ANKRD33B: variants seen among roughly 807,000 people sequenced by gnomAD.
ANKRD33B encodes the protein ankyrin repeat domain 33B, also known as ankyrin repeat domain-containing protein 33B.
In ANKRD33B, 6 loss-of-function variants were observed where a neutral mutation model predicts 21.5. That is an observed-to-expected ratio of 0.28 (90% CI 0.15 to 0.55). The LOEUF (loss-of-function observed/expected upper bound fraction) is 0.55. ANKRD33B is among the 20% of genes least tolerant of loss of function. ANKRD33B has a pLI of 0.94. For missense variants in ANKRD33B, 698 were observed against 747.2 expected, an observed-to-expected ratio of 0.93 and a Z score of 0.77; for synonymous variants, 347 against 342.4, an observed-to-expected ratio of 1.01 and a Z score of -0.15.
Position 10,564,415 on chromosome 5 carries a change from TCCCGCTCTTCCTGCCCGCGC to T in ANKRD33B, c.-48_-29del. On this transcript the variant is annotated 5_prime_UTR_variant, in exon 1 of 4. Coordinates refer to ENST00000296657, the MANE Select transcript of ANKRD33B (RefSeq NM_001164440.2). ...CGGGGACCTCGGCGCGCGCCCCGCGTCCCGCTCTTCCTGCCCGCGCCCCGGCCCCCGGCCCGCGCCCCGGC... is the reference window on the plus strand; with the variant it reads ...CGGGGACCTCGGCGCGCGCCCCGCGTCCCGGCCCCCGGCCCGCGCCCCGGC... 1 of 1,020,552 alleles carries T rather than the reference TCCCGCTCTTCCTGCCCGCGC, an allele frequency of 9.8e-7. No individual in the cohort carries two copies. The allele number at this position is 1,020,552 out of a possible 1,614,324, so 63.2% of individuals were successfully genotyped here.
chr5:10,604,347 G>A (rs1458704807), intron 1 of ANKRD33B, among the ~76,000 whole-genome samples: 4 of 150,552 alleles, frequency 2.7e-5, no homozygotes, highest in Non-Finnish European at 4.4e-5. Context: ...ATGCGCCACC[G>A]CACCCGGCTA....
chr5:10,578,068 A>G (rs564703890), intron 1 of ANKRD33B, among the ~76,000 whole-genome samples: 7 of 152,228 alleles, frequency 4.6e-5, no homozygotes, highest in Non-Finnish European at 8.8e-5. Flanking sequence ...TCTGTTGAAG[A>G]GTGAACTGCA....
chr5:10,573,234 C>CGG (rs1735240522), intron 1 of ANKRD33B, among the ~76,000 whole-genome samples: 2 of 151,854 alleles, frequency 1.3e-5, no homozygotes, highest in African/African-American at 4.9e-5. Context: ...TTTGGGAGGC[C>CGG]GAGGTGGGCA....
chr5:10,631,732 T>G (rs1375902319), intron 2 of ANKRD33B, among the ~76,000 whole-genome samples: 2 of 152,212 alleles, frequency 1.3e-5, no homozygotes, highest in East Asian at 3.9e-4. Flanking sequence ...CCCTGGGACC[T>G]GTGTTCAAAA....
intron 1 of ANKRD33B, among the ~76,000 whole-genome samples, chr5:10,607,219 C>G (rs1429515011): frequency 6.6e-6 from 1 of 152,154 alleles, no homozygotes; most frequent in Non-Finnish European, 1.5e-5. Context: ...CACTTCAAGT[C>G]CCAGTGGCTT....
Position 10,657,727 on chromosome 5 carries a change from T to G in ANKRD33B, c.*7614T>G, listed in dbSNP as rs1441042878. The G allele has an allele frequency of 1.3e-5, 2 of 152,342 alleles. No individual in the cohort carries two copies. The highest frequency in any genetic ancestry group is 2.9e-5 in the Non-Finnish European group (2 of 68,038). The allele number at this position is 152,342 out of a possible 1,614,324, so 9.4% of individuals were successfully genotyped here. On this transcript the variant is annotated 3_prime_UTR_variant, in exon 4 of 4. Coordinates refer to ENST00000296657, the MANE Select transcript of ANKRD33B (RefSeq NM_001164440.2). ...CTTTTAACTTCTAACAAATTATGTA[T>G]CTAATGTTTAAAAAATATGGAAAAA... is the stretch of plus-strand genomic sequence containing the variant.
At chr5:10,626,039 C>T (rs1296128223) in intron 2 of ANKRD33B, among the ~76,000 whole-genome samples, 1 of 152,124 alleles carries the variant, frequency 6.6e-6, no homozygotes, top group Non-Finnish European at 1.5e-5. Context: ...GCAGCCTCGG[C>T]CTAGAACCCG....
chr5:10,627,667 G>A (rs529807146), intron 2 of ANKRD33B, among the ~76,000 whole-genome samples: 1 of 152,360 alleles, frequency 6.6e-6, no homozygotes, highest in Non-Finnish European at 1.5e-5. Flanking sequence ...TTTATTAGCA[G>A]TGCACACGAT....
intron 1 of ANKRD33B, among the ~76,000 whole-genome samples, chr5:10,592,636 AAG>A (rs1491115802): frequency 2.8e-5 from 4 of 144,400 alleles, no homozygotes; most frequent in Non-Finnish European, 4.6e-5. Flanking sequence ...AAAAAAAAAA[AAG>A]AAGAAGAAAA....
At chr5:10,583,298 C>A (rs977298902) in intron 1 of ANKRD33B, among the ~76,000 whole-genome samples, 15 of 152,210 alleles carry the variant, frequency 9.9e-5, no homozygotes, top group Admixed American at 7.9e-4. Flanking sequence ...CCGCGCCCGA[C>A]CTGTCCCTGC....
chr5:10,642,899 T>TTTTG (rs1560986847), intron 3 of ANKRD33B, among the ~76,000 whole-genome samples: 1 of 151,050 alleles, frequency 6.6e-6, no homozygotes, highest in East Asian at 1.9e-4. Flanking sequence ...TGTTTGTTTG[T>TTTTG]TTTGCTTTGT....
chr5:10,586,044 T>C (rs1451155222), intron 1 of ANKRD33B, among the ~76,000 whole-genome samples: 1 of 152,176 alleles, frequency 6.6e-6, no homozygotes, highest in Admixed American at 6.5e-5. Context: ...AGACCCTGAA[T>C]TCTATGTTCT....
At chr5:10,586,550 C>G (rs1029208683) in intron 1 of ANKRD33B, among the ~76,000 whole-genome samples, 1 of 148,920 alleles carries the variant, frequency 6.7e-6, no homozygotes, top group Non-Finnish European at 1.5e-5. Flanking sequence ...GCTTTCTTCT[C>G]TTTATTTTCC....
intron 2 of ANKRD33B, chr5:10,624,702 C>T (rs1366750218): frequency 4.4e-6 from 2 of 453,054 alleles, no homozygotes; most frequent in South Asian, 3.1e-5. Flanking sequence ...GAGATTTTCC[C>T]TAATTTCTTT....
chr5:10,613,685 G>A (rs899383189), intron 1 of ANKRD33B, among the ~76,000 whole-genome samples: 3 of 152,004 alleles, frequency 2.0e-5, no homozygotes, highest in Non-Finnish European at 4.4e-5. Context: ...CAGATCACAA[G>A]GTCACGAGAT....
intron 1 of ANKRD33B, among the ~76,000 whole-genome samples, chr5:10,582,799 G>A (rs1735471312): frequency 1.3e-5 from 2 of 152,130 alleles, no homozygotes; most frequent in South Asian, 2.1e-4. Context: ...TGGCTTCCCC[G>A]ACTTTGGACC....
chr5:10,644,605 C>T (rs941101159), intron 3 of ANKRD33B, among the ~76,000 whole-genome samples: 1 of 152,192 alleles, frequency 6.6e-6, no homozygotes, highest in Non-Finnish European at 1.5e-5. Context: ...GAGATGCTCC[C>T]GCTGTGGGTC....
chr5:10,639,894 GCGGCGA>G (rs1736987907), intron 3 of ANKRD33B, among the ~76,000 whole-genome samples: 1 of 30,754 alleles, frequency 3.3e-5, no homozygotes, highest in Non-Finnish European at 7.8e-5. Flanking sequence ...GTGGAGTTGT[GCGGCGA>G]TGTTAGCGGG....
Position 10,657,813 on chromosome 5 carries a change from C to G in ANKRD33B, c.*7700C>G, listed in dbSNP as rs550575208. 6.6e-6 allele frequency: 1 copy of G among 152,230 alleles called. No homozygotes were observed. The highest frequency in any genetic ancestry group is 1.5e-5 in the Non-Finnish European group (1 of 68,020). The allele number at this position is 152,230 out of a possible 1,614,324, so 9.4% of individuals were successfully genotyped here. A position where few individuals can be genotyped will look rare whatever the true frequency, so the allele number is the denominator to read the frequency against. The stretch of plus-strand genomic sequence containing the variant: ...AAGAATAAAAAATCACTTGTTAAAA[C>G]GCATTCTTATGGTACAAATGTGTGA... On this transcript the variant is annotated 3_prime_UTR_variant, in exon 4 of 4. Coordinates refer to ENST00000296657, the MANE Select transcript of ANKRD33B (RefSeq NM_001164440.2).
Sources: allele counts gnomAD v4.1 joint callset (sites outside exome capture counted in the v4.1 genomes callset), GRCh38; gene constraint gnomAD v4.1.1; transcripts MANE v1.5; gene names NCBI Gene and HGNC (gene_info 2026-07-23, HGNC 2026-07-21).